ST3GAL2: variants seen among roughly 807,000 people sequenced by gnomAD.
ST3GAL2 encodes CMP-N-acetylneuraminate-beta-galactosamide-alpha-2,3-sialyltransferase 2.
ST3GAL2 carries 16 observed loss-of-function variants against 37.5 expected under a neutral mutation model. The ratio of observed to expected loss-of-function variants is 0.43; its 90% CI spans 0.29 to 0.65. ST3GAL2 has a LOEUF of 0.65. Among genes scored for constraint, ST3GAL2 ranks in the 30% least tolerant of loss-of-function variants. The pLI is 0.17. For missense variants in ST3GAL2, 383 were observed against 487.8 expected (o/e 0.79, Z 2.02); for synonymous variants, 238 against 202.9 (o/e 1.17, Z -1.47).
At chr16:70,389,821 C>T (rs2047470608) in intron 3 of ST3GAL2, among the ~76,000 whole-genome samples, 1 of 151,640 alleles carries the variant, frequency 6.6e-6, no homozygotes, top group Non-Finnish European at 1.5e-5. Flanking sequence ...GAGTCTTGCT[C>T]TGTCGCCCAG....
chr16:70,387,752 C>A (rs1191689421), intron 4 of ST3GAL2, among the ~76,000 whole-genome samples: 1 of 151,712 alleles, frequency 6.6e-6, no homozygotes, highest in African/African-American at 2.4e-5. Context: ...GGGACAACTA[C>A]CCCCAAAGAA....
In ST3GAL2 at chr16:70,388,441, G is replaced by A. The variant is rs1368633624; in HGVS notation, c.639C>T (p.Ser213=). ...ESAKNLPANV[S]FVLVPFKVLD... ...GGACCTTGAAGGGCACCAGCACGAAGCTGACGTTGGCGGGCAGGTTCTTGG... is the reference window on the plus strand; with the variant it reads ...GGACCTTGAAGGGCACCAGCACGAAACTGACGTTGGCGGGCAGGTTCTTGG... Residue 213 remains serine (S), a synonymous_variant, in exon 4 of 7, where the codon AGC becomes AGT. Coordinates refer to ENST00000342907, the MANE Select transcript of ST3GAL2 (RefSeq NM_006927.4). 1 of 1,614,160 alleles carries A rather than the reference G, an allele frequency of 6.2e-7. No homozygotes were observed. Among genetic ancestry groups the A allele is most frequent in the Non-Finnish European group, 8.5e-7 (1 of 1,180,028 alleles).
chr16:70,376,694 CCAGA>C lies in ST3GAL2; in HGVS notation c.*4991_*4994del, dbSNP rs1415773938. 2.6e-5 allele frequency: 4 copies of C among 152,206 alleles called. No homozygotes were observed. The East Asian group carries it at 5.8e-4, about 22-fold the overall frequency. 9.4% of individuals were successfully genotyped at this position (152,206 alleles called of 1,614,324 possible). On this transcript the variant is annotated 3_prime_UTR_variant, in exon 7 of 7. Coordinates refer to ENST00000342907, the MANE Select transcript of ST3GAL2 (RefSeq NM_006927.4). ...ACCTTCCCTGATGCCTCTGACCTTG[CCAGA>C]CAGTCACAGAAGGTACTTCCTTGTC...
At chr16:70,429,187 G>C (rs2047771348) in intron 1 of ST3GAL2, among the ~76,000 whole-genome samples, 1 of 152,182 alleles carries the variant, frequency 6.6e-6, no homozygotes, top group Non-Finnish European at 1.5e-5. Context: ...GAAAGTTCAA[G>C]CCAATTCCCA....
intron 4 of ST3GAL2, among the ~76,000 whole-genome samples, chr16:70,386,482 C>T (rs1157478079): frequency 6.6e-6 from 1 of 151,832 alleles, no homozygotes; most frequent in Non-Finnish European, 1.5e-5. Flanking sequence ...TGACTCACCA[C>T]GCCTGGCCGG....
chr16:70,408,383 C>A (rs1339937892), intron 1 of ST3GAL2, among the ~76,000 whole-genome samples: 2 of 151,860 alleles, frequency 1.3e-5, no homozygotes, highest in East Asian at 3.9e-4. Flanking sequence ...GCACCCAAAC[C>A]AGGCAGAAGG....
chr16:70,381,761 G>A lies in ST3GAL2; in HGVS notation c.981C>T (p.Asp327=). Residue 327 remains aspartate, a synonymous_variant, in exon 7 of 7, where the codon GAC becomes GAT. Transcript: ENST00000342907. ...AGEFRKTGVH[D]ADFEAHIIDM... ...CGATGATGTGGGCCTCGAAGTCCGC[G>A]TCGTGCACGCCAGTCTTCCGGAACT... is the stretch of plus-strand genomic sequence containing the variant. 6.2e-7 allele frequency: 1 copy of A among 1,614,080 alleles called. No individual in the cohort carries two copies.
At chr16:70,400,324 G>A (rs940824621) in intron 1 of ST3GAL2, 1 of 152,392 alleles carries the variant, frequency 6.6e-6, no homozygotes, top group African/African-American at 2.4e-5. Context: ...GCGTGAGGGA[G>A]CCACACCAGG....
At chr16:70,407,904 G>A (rs1159553499) in intron 1 of ST3GAL2, among the ~76,000 whole-genome samples, 3 of 152,136 alleles carry the variant, frequency 2.0e-5, no homozygotes, top group East Asian at 3.8e-4. Context: ...AACCTTCTTG[G>A]CATGCAGAGA....
rs1159073985 is a variant in ST3GAL2, at chr16:70,397,041, TTC to T, written c.339+1149_339+1150del. ...TAGTCCCTGCACGGCTTTCTTTTCT[TTC>T]TTTTTTTTTTTTTTTTGAGACGGAG... On this transcript the variant is annotated intron_variant, in intron 2 of 6. Coordinates refer to ENST00000342907, the MANE Select transcript of ST3GAL2 (RefSeq NM_006927.4). 1.2e-3 allele frequency among the ~76,000 whole-genome samples: 42 copies of T among 36,268 alleles called. No individual in the cohort carries two copies. The South Asian group carries it at 0.018, about 16-fold the overall frequency. 23.8% of individuals were successfully genotyped at this position (36,268 alleles called of 152,430 possible).
At chr16:70,437,765 T>C (rs766584618) in intron 1 of ST3GAL2, among the ~76,000 whole-genome samples, 3 of 152,126 alleles carry the variant, frequency 2.0e-5, no homozygotes, top group African/African-American at 7.2e-5. Context: ...CAGACTCCTC[T>C]TATGCCACCA....
chr16:70,396,176 G>C (rs918974300), intron 2 of ST3GAL2, among the ~76,000 whole-genome samples: 1 of 151,288 alleles, frequency 6.6e-6, no homozygotes, highest in African/African-American at 2.4e-5. Context: ...TCTTCATGTT[G>C]GTCAGGCTGG....
intron 1 of ST3GAL2, among the ~76,000 whole-genome samples, chr16:70,431,750 TC>T (rs2047791696): frequency 6.7e-6 from 1 of 150,268 alleles, no homozygotes; most frequent in Admixed American, 6.7e-5. Flanking sequence ...GATCACGAGG[TC>T]ATGAGATCGA....
chr16:70,418,101 G>T (rs2047688148), intron 1 of ST3GAL2, among the ~76,000 whole-genome samples: 1 of 152,194 alleles, frequency 6.6e-6, no homozygotes, highest in South Asian at 2.1e-4. Context: ...TCTGGAGAAT[G>T]CTTTGAATCA....
At chr16:70,401,443 A>T (rs1408527194) in intron 1 of ST3GAL2, among the ~76,000 whole-genome samples, 1 of 152,170 alleles carries the variant, frequency 6.6e-6, no homozygotes, top group East Asian at 1.9e-4. Flanking sequence ...TTGCTTTGGG[A>T]ACCCCAGGTC....
intron 1 of ST3GAL2, among the ~76,000 whole-genome samples, chr16:70,415,278 C>A (rs181144409): frequency 2.0e-5 from 3 of 152,272 alleles, no homozygotes; most frequent in Non-Finnish European, 2.9e-5. Flanking sequence ...CCCCCCGCCA[C>A]AATGCAGCTG....
intron 3 of ST3GAL2, among the ~76,000 whole-genome samples, chr16:70,390,129 C>G (rs947197073): frequency 9.2e-5 from 14 of 152,190 alleles, no homozygotes; most frequent in Non-Finnish European, 1.6e-4. Context: ...GGCTGGAGTG[C>G]AGTGGCACCA....
chr16:70,422,400 A>G (rs1352480152), intron 1 of ST3GAL2, among the ~76,000 whole-genome samples: 1 of 152,150 alleles, frequency 6.6e-6, no homozygotes, highest in African/African-American at 2.4e-5. Flanking sequence ...GGACTGGGGG[A>G]CCAGTTAAAA....
intron 1 of ST3GAL2, among the ~76,000 whole-genome samples, chr16:70,417,154 C>G (rs964081786): frequency 2.6e-5 from 4 of 152,170 alleles, no homozygotes; most frequent in African/African-American, 9.7e-5. Context: ...TATATAAAGG[C>G]ACACATAAAG....
Sources: gnomAD v4.1 joint callset for allele counts (sites outside exome capture counted in the v4.1 genomes callset) on GRCh38, gnomAD v4.1.1 for gene constraint, MANE v1.5 for transcripts, NCBI Gene and HGNC (gene_info 2026-07-23, HGNC 2026-07-21) for gene names.